Variants in COL26A1 observed in about 807,000 individuals in gnomAD.
COL26A1 encodes collagen alpha-1(XXVI) chain.
In COL26A1, 41 loss-of-function variants were observed where a neutral mutation model predicts 59.3. The observed-to-expected ratio is 0.69, with a 90% CI of 0.54 to 0.90. COL26A1 has a LOEUF of 0.90. COL26A1 is among the 40% of genes least tolerant of loss of function. The pLI is 0.00. For missense variants in COL26A1, 612 were observed against 602.3 expected (o/e 1.02, Z -0.17); for synonymous variants, 266 against 256.0 (o/e 1.04, Z -0.37).
At chr7:101,491,288 T>G (rs994106981) in intron 3 of COL26A1, among the ~76,000 whole-genome samples, 4 of 152,114 alleles carry the variant, frequency 2.6e-5, no homozygotes, top group African/African-American at 9.7e-5. Flanking sequence ...TTGGCCATGC[T>G]GGGAGTATTT....
At chr7:101,473,246 A>AT (rs972179277) in intron 3 of COL26A1, among the ~76,000 whole-genome samples, 22 of 151,774 alleles carry the variant, frequency 1.4e-4, no homozygotes, top group Admixed American at 1.2e-3. Context: ...CGCCTGGCTA[A>AT]TTTTTTGTAT....
chr7:101,505,762 A>G, intron 3 of COL26A1, among the ~76,000 whole-genome samples: 1 of 152,152 alleles, frequency 6.6e-6, no homozygotes, highest in Non-Finnish European at 1.5e-5. Context: ...CACTGACTCA[A>G]ATGTTAATCT....
At chr7:101,425,470 G>C (rs1792622233) in intron 2 of COL26A1, among the ~76,000 whole-genome samples, 1 of 152,098 alleles carries the variant, frequency 6.6e-6, no homozygotes, top group Non-Finnish European at 1.5e-5. Flanking sequence ...TAGGTTAGGA[G>C]GATGAAATCA....
intron 3 of COL26A1, among the ~76,000 whole-genome samples, chr7:101,454,448 A>T (rs1009540448): frequency 6.6e-6 from 1 of 151,824 alleles, no homozygotes; most frequent in Non-Finnish European, 1.5e-5. Flanking sequence ...TAGTAGAGAC[A>T]GGGTTTCACT....
chr7:101,531,730 G>T (rs1562792142), intron 3 of COL26A1, among the ~76,000 whole-genome samples: 1 of 151,880 alleles, frequency 6.6e-6, no homozygotes, highest in Non-Finnish European at 1.5e-5. Context: ...ACTCCCCGTG[G>T]TTTCTCCCCA....
intron 3 of COL26A1, among the ~76,000 whole-genome samples, chr7:101,510,027 C>CTTT (rs3073374): frequency 2.5e-5 from 3 of 122,300 alleles, no homozygotes; most frequent in African/African-American, 8.1e-5. Flanking sequence ...CGCGCCCAGT[C>CTTT]TTTTTTTTTT....
intron 1 of COL26A1, among the ~76,000 whole-genome samples, chr7:101,399,980 T>C (rs1376033244): frequency 1.3e-5 from 2 of 152,156 alleles, no homozygotes; most frequent in Admixed American, 6.6e-5. Flanking sequence ...GTCTCTGCTC[T>C]CAGGGAGAGA....
intron 1 of COL26A1, among the ~76,000 whole-genome samples, chr7:101,385,908 G>A (rs1222576669): frequency 6.6e-6 from 1 of 151,082 alleles, no homozygotes; most frequent in Non-Finnish European, 1.5e-5. Context: ...ATGTTAGTTA[G>A]CTAGTAGTTA....
intron 3 of COL26A1, among the ~76,000 whole-genome samples, chr7:101,481,553 C>T (rs533746599): frequency 1.5e-4 from 22 of 151,518 alleles, no homozygotes; most frequent in Admixed American, 1.1e-3. Flanking sequence ...TGTGCTCAAG[C>T]GATCCTCCCT....
Position 101,555,873 on chromosome 7 carries a change from T to C in COL26A1, c.1165+2T>C. 1 of 1,605,126 alleles carries C rather than the reference T, an allele frequency of 6.2e-7. No individual in the cohort carries two copies. Among genetic ancestry groups the C allele is most frequent in the Non-Finnish European group, 8.5e-7 (1 of 1,176,064 alleles). On this transcript the variant is annotated splice_donor_variant, in intron 12 of 12. Coordinates refer to ENST00000313669, the MANE Select transcript of COL26A1 (RefSeq NM_001278563.3). LOFTEE classifies it high-confidence loss of function. ...TGGAGCACATGATTGGGATCCACGG[T>C]GAGCAGTGACCAGGATCAGCGGGCT...
intron 2 of COL26A1, among the ~76,000 whole-genome samples, chr7:101,422,534 G>T (rs145492226): frequency 6.6e-6 from 1 of 152,196 alleles, no homozygotes; most frequent in East Asian, 1.9e-4. Flanking sequence ...CTCTTGATTT[G>T]GGAACAGCTT....
chr7:101,486,223 G>A (rs1035300303), intron 3 of COL26A1, among the ~76,000 whole-genome samples: 18 of 151,716 alleles, frequency 1.2e-4, no homozygotes, highest in African/African-American at 4.1e-4. Flanking sequence ...TGGGATTTTC[G>A]GATCCGTCTT....
At chr7:101,424,889 C>G (rs1360183540) in intron 2 of COL26A1, among the ~76,000 whole-genome samples, 2 of 152,094 alleles carry the variant, frequency 1.3e-5, no homozygotes, top group Non-Finnish European at 2.9e-5. Flanking sequence ...CTGCCCCGCT[C>G]TAGCTCCTTC....
chr7:101,535,532 G>A (rs934850773), intron 4 of COL26A1, among the ~76,000 whole-genome samples: 17 of 152,076 alleles, frequency 1.1e-4, no homozygotes, highest in African/African-American at 3.9e-4. Context: ...TGGTCTTCCC[G>A]GCCCTGACAC....
intron 9 of COL26A1, 29 bp downstream of exon 9, chr7:101,549,252 G>C: frequency 1.3e-6 from 2 of 1,557,168 alleles, no homozygotes; most frequent in Admixed American, 3.5e-5. Flanking sequence ...TAGGTAGGGT[G>C]TGGGAGGCGG....
chr7:101,515,019 C>T (rs1584477852), intron 3 of COL26A1, among the ~76,000 whole-genome samples: 1 of 152,208 alleles, frequency 6.6e-6, no homozygotes, highest in Admixed American at 6.5e-5. Flanking sequence ...TCTGCACCTT[C>T]GTGAGTCCAG....
intron 1 of COL26A1, among the ~76,000 whole-genome samples, chr7:101,402,619 C>T (rs73179280): frequency 0.097 from 13,448 of 138,120 alleles, 971 homozygotes; most frequent in African/African-American, 0.21. Flanking sequence ...TCTTCTCTTT[C>T]TCTTTCTTTC....
intron 3 of COL26A1, among the ~76,000 whole-genome samples, chr7:101,513,095 C>T (rs1311803385): frequency 6.6e-6 from 1 of 152,016 alleles, no homozygotes; most frequent in African/African-American, 2.4e-5. Flanking sequence ...CAACCTCCGC[C>T]TCCTGGGTTC....
intron 3 of COL26A1, among the ~76,000 whole-genome samples, chr7:101,482,050 T>C (rs1794167703): frequency 6.6e-6 from 1 of 151,310 alleles, no homozygotes; most frequent in Non-Finnish European, 1.5e-5. Flanking sequence ...CAAGTCTCAC[T>C]CTGTCACCCA....
Sources: allele counts gnomAD v4.1 joint callset (sites outside exome capture counted in the v4.1 genomes callset), GRCh38; gene constraint gnomAD v4.1.1; transcripts MANE v1.5; gene names NCBI Gene and HGNC (gene_info 2026-07-23, HGNC 2026-07-21).